Variants in GCN1 observed in about 807,000 individuals in gnomAD.
GCN1 encodes stalled ribosome sensor GCN1.
A neutral mutation model predicts 288.4 loss-of-function variants in GCN1; 90 were observed. The observed-to-expected ratio is 0.31, with a 90% CI of 0.26 to 0.37. The LOEUF is 0.37. GCN1 is among the 10% of genes least tolerant of loss of function. The pLI, the probability that GCN1 is intolerant of heterozygous loss-of-function variation, is 1.00. For synonymous variants in GCN1, 1,386 were observed against 1,420.2 expected (o/e 0.98, Z 0.54); for missense variants, 2,586 against 3,419.9 (o/e 0.76, Z 6.08).
chr12:120,193,150 C>T (rs1325568608), intron 1 of GCN1, among the ~76,000 whole-genome samples: 2 of 152,204 alleles, frequency 1.3e-5, no homozygotes, highest in East Asian at 3.8e-4. Context: ...GTCAGGAATT[C>T]GAGACCAGCC....
intron 1 of GCN1, among the ~76,000 whole-genome samples, chr12:120,192,914 T>C (rs566958775): frequency 5.6e-4 from 85 of 151,686 alleles, no homozygotes; most frequent in Non-Finnish European, 8.7e-4. Flanking sequence ...CGCATGCCTG[T>C]AATCCCAGCT....
chr12:120,138,921 G>A (rs1361379545), intron 45 of GCN1, 65 bp from the exon 46 acceptor site: 1 of 1,459,378 alleles, frequency 6.9e-7, no homozygotes, highest in Non-Finnish European at 9.3e-7. Flanking sequence ...AAGCAGACAA[G>A]AAGCACAGGC....
chr12:120,189,935 G>A (rs1245747439), intron 2 of GCN1, among the ~76,000 whole-genome samples: 23 of 152,046 alleles, frequency 1.5e-4, no homozygotes, highest in African/African-American at 1.4e-4. Flanking sequence ...AGCCGAGAGC[G>A]TGCCACTGCA....
rs754846526 is a variant in GCN1 at position 120,156,509 on chromosome 12, G to A, written c.3264C>T (p.Leu1088=). Residue 1088 remains leucine (L), a synonymous_variant, in exon 28 of 58, where the codon CTC becomes CTT. Coordinates refer to ENST00000300648, the MANE Select transcript of GCN1 (RefSeq NM_006836.2). The surrounding 1 kb of genome is among the most constrained non-coding windows in gnomAD (Gnocchi z 5.8). ...FAEQEEVDVL[L]CALQSPCASV... ...TGGCACACGGGGACTGCAAGGCACA[G>A]AGCAGCACGTCCACCTCCTCCTGCT... 1 of 1,613,920 alleles carries A rather than the reference G, an allele frequency of 6.2e-7. No individual in the cohort carries two copies. Among genetic ancestry groups the A allele is most frequent in the African/African-American group, 1.3e-5 (1 of 74,920 alleles).
Position 120,160,244 on chromosome 12 carries a change from C to A in GCN1, c.2448G>T (p.Lys816Asn), listed in dbSNP as rs766271560. The stretch of plus-strand genomic sequence containing the variant: ...GCACCTCCTCTTTGATGCCTTTCTT[C>A]TTCTTTATCTCCTAAAGAGGATGGG... ...IELELKEEIK[K>N]KKGIKEEVQL... The change falls in exon 23 of 58, where the codon AAG becomes AAT. Residue 816 changes from lysine to asparagine, a missense_variant. Lys to Asn is a moderately conservative substitution (Grantham distance 94). Coordinates refer to ENST00000300648, the MANE Select transcript of GCN1 (RefSeq NM_006836.2). 1 of 1,610,828 alleles carries A rather than the reference C, an allele frequency of 6.2e-7. No homozygotes were observed. Among genetic ancestry groups the A allele is most frequent in the South Asian group, 1.1e-5 (1 of 91,056 alleles).
Position 120,145,290 on chromosome 12 carries a change from T to A in GCN1, c.4988A>T (p.Lys1663Ile). 6.2e-7 allele frequency: 1 copy of A among 1,602,766 alleles called. No individual in the cohort carries two copies. Among genetic ancestry groups the A allele is most frequent in the Non-Finnish European group, 8.5e-7 (1 of 1,174,386 alleles). Residue 1663 changes from lysine to isoleucine, a missense_variant, in exon 39 of 58, where the codon AAA (lysine) becomes ATA (isoleucine). Physicochemically the swap from Lys to Ile is moderately radical, Grantham distance 102. Around this residue, in one of 8 missense-constraint regions of GCN1, gnomAD observed 371 missense variants for 572.6 expected, o/e 0.65. Transcript: ENST00000300648. ...PYLPSVTPGL[K>I]ASLLDPVPEV... ...AGGCACAGGGTCCAAAAGCGATGCT[T>A]TCAGGCCAGGCGTCACGCTGGGCAG...
intron 44 of GCN1, 89 bp from the exon 45 acceptor site, chr12:120,141,112 C>T: frequency 9.1e-7 from 1 of 1,095,162 alleles, no homozygotes; most frequent in South Asian, 1.5e-5. Flanking sequence ...CCTGAAACCT[C>T]CCAGGCTTTA....
At position 120,178,641 on chromosome 12, in the gene GCN1, A is replaced by G. The variant is rs1878552937; in HGVS notation, c.644T>C (p.Val215Ala). The part of the protein sequence containing the change: ...QFCTSHKEMD[V>A]VSQHKSALLD... ...GGCACTTGCCTTGTGCTGACTGACC[A>G]CGTCCATCTCCTTGTGACTCGTGCA... is the stretch of plus-strand genomic sequence containing the variant. The change falls in exon 7 of 58, where the codon GTG becomes GCG. Residue 215 changes from valine to alanine, a missense_variant. Val to Ala is a moderately conservative substitution (Grantham distance 64). Coordinates refer to ENST00000300648, the MANE Select transcript of GCN1 (RefSeq NM_006836.2). The G allele has an allele frequency of 6.2e-7, 1 of 1,614,212 alleles. No individual in the cohort carries two copies. The highest frequency in any genetic ancestry group is 2.2e-5 in the East Asian group (1 of 44,890).
rs1370715720 is a variant in GCN1 at position 120,137,647 on chromosome 12, G to A, written c.6561C>T (p.Thr2187=). ...CCGAGACCAGGCTCCGCAGGTGGCT[G>A]GTGTAGTCAGCCTTTGAGCGGGAAC... is the stretch of plus-strand genomic sequence containing the variant. ...IYCSRSKADY[T]SHLRSLVSGL... Residue 2187 remains threonine, a synonymous_variant, in exon 49 of 58, where the codon ACC becomes ACT. Coordinates refer to ENST00000300648, the MANE Select transcript of GCN1 (RefSeq NM_006836.2). This position sits in a 1 kb window ranked among gnomAD's most constrained non-coding sequence, Gnocchi z 5.2. The A allele has an allele frequency of 6.2e-7, 1 of 1,614,184 alleles. No homozygotes were observed. The highest frequency in any genetic ancestry group is 8.5e-7 in the Non-Finnish European group (1 of 1,180,014).
Position 120,156,509 on chromosome 12 carries a change from G to C in GCN1, c.3264C>G (p.Leu1088=). 2 of 1,614,038 alleles carry C rather than the reference G, an allele frequency of 1.2e-6. No individual in the cohort carries two copies. Among genetic ancestry groups the C allele is most frequent in the Non-Finnish European group, 1.7e-6 (2 of 1,179,992 alleles). The part of the protein sequence containing the change: ...FAEQEEVDVL[L]CALQSPCASV... ...TGGCACACGGGGACTGCAAGGCACA[G>C]AGCAGCACGTCCACCTCCTCCTGCT... is the stretch of plus-strand genomic sequence containing the variant. Residue 1088 remains leucine, a synonymous_variant, in exon 28 of 58, where the codon CTC becomes CTG. Coordinates refer to ENST00000300648, the MANE Select transcript of GCN1 (RefSeq NM_006836.2). This position sits in a 1 kb window ranked among gnomAD's most constrained non-coding sequence, Gnocchi z 5.8.
At chr12:120,187,639 C>G (rs1178911154) in intron 2 of GCN1, among the ~76,000 whole-genome samples, 1 of 151,960 alleles carries the variant, frequency 6.6e-6, no homozygotes. Flanking sequence ...GTCACCCAGG[C>G]TGGAAAGCAG....
chr12:120,170,762 A>G (rs1878288477), intron 14 of GCN1, among the ~76,000 whole-genome samples: 1 of 152,052 alleles, frequency 6.6e-6, no homozygotes, highest in Non-Finnish European at 1.5e-5. Flanking sequence ...GCCACCCTCA[A>G]TCCTGTCAAT....
At chr12:120,162,810 C>T in intron 20 of GCN1, 37 bp downstream of exon 20, 1 of 1,608,812 alleles carries the variant, frequency 6.2e-7, no homozygotes, top group Non-Finnish European at 8.5e-7. Flanking sequence ...GGGCCCCCTC[C>T]CGGACCTGAG....
At chr12:120,151,550 G>T (rs1303865887) in intron 33 of GCN1, among the ~76,000 whole-genome samples, 159 bp from the exon 34 acceptor site, 1 of 152,188 alleles carries the variant, frequency 6.6e-6, no homozygotes, top group Non-Finnish European at 1.5e-5. Flanking sequence ...AAGCAAACAG[G>T]TATACACAGT....
At chr12:120,136,411 T>C (rs2139085552) in intron 51 of GCN1, 91 bp downstream of exon 51, 1 of 941,064 alleles carries the variant, frequency 1.1e-6, no homozygotes. Flanking sequence ...CCACAATAAA[T>C]CTGTTGCCCT....
rs546805403 is a variant in GCN1 at position 120,177,870 on chromosome 12, G to A, written c.661-118C>T. 5 of 785,796 alleles carry A rather than the reference G, an allele frequency of 6.4e-6. No homozygotes were observed. The African/African-American group carries it at 8.5e-5, about 13-fold the overall frequency. 48.7% of individuals were successfully genotyped at this position (785,796 alleles called of 1,614,324 possible). On this transcript the variant is annotated intron_variant, in intron 7 of 57. Transcript: ENST00000300648. ...ATACAAATCAATGCCCCAAATTTCA[G>A]TGTTAAGCATAGAGGTCCCACTGAT...
chr12:120,170,232 T>C lies in GCN1; in HGVS notation c.1456A>G (p.Ile486Val), dbSNP rs1424673048. 16 of 1,614,020 alleles carry C rather than the reference T, an allele frequency of 9.9e-6. No homozygotes were observed. The highest frequency in any genetic ancestry group is 1.7e-5 in the Admixed American group (1 of 59,996). The stretch of plus-strand genomic sequence containing the variant: ...AAGGCTGCGGCAACCCCTTCAGTGA[T>C]GGTGGGAACCTGAGTGCTTTGGGAG... ...AASQSTQVPT[I>V]TEGVAAALLL... The change falls in exon 15 of 58, where the codon ATC becomes GTC. Residue 486 changes from isoleucine to valine, a missense_variant. Physicochemically the swap from Ile to Val is conservative, Grantham distance 29. Transcript: ENST00000300648.
intron 24 of GCN1, 21 bp downstream of exon 24, chr12:120,159,804 A>C: frequency 1.2e-6 from 2 of 1,610,548 alleles, no homozygotes; most frequent in Non-Finnish European, 1.7e-6. Context: ...CCATCCCTGC[A>C]GCCAGCAAAC....
intron 45 of GCN1, 140 bp downstream of exon 45, chr12:120,140,719 A>T (rs984171868): frequency 1.4e-6 from 1 of 728,854 alleles, no homozygotes; most frequent in Non-Finnish European, 2.2e-6. Context: ...CCCAGCCAGC[A>T]CCTCCCCAGA....
Sources: gnomAD v4.1 joint callset for allele counts (sites outside exome capture counted in the v4.1 genomes callset) on GRCh38, gnomAD v4.1.1 for gene constraint, gnomAD v4.1.1 regional missense constraint, Gnocchi (gnomAD v3.1) non-coding constraint, MANE v1.5 for transcripts, NCBI Gene and HGNC (gene_info 2026-07-23, HGNC 2026-07-21) for gene names.